CACNA1H: variants seen among roughly 807,000 people sequenced by gnomAD.
CACNA1H encodes the protein voltage-dependent T-type calcium channel subunit alpha-1H.
Under a neutral mutation model 192.5 loss-of-function variants are expected in CACNA1H, and 149 were observed. The observed-to-expected ratio is 0.77, with a 90% CI of 0.68 to 0.89. The LOEUF is 0.89. CACNA1H is among the 40% of genes least tolerant of loss of function. CACNA1H has a pLI of 0.00. For synonymous variants in CACNA1H, 2,202 were observed against 1,475.2 expected, an observed-to-expected ratio of 1.49 and a Z score of -11.29; for missense variants, 4,257 against 3,423.5, an observed-to-expected ratio of 1.24 and a Z score of -6.08.
intron 5 of CACNA1H, 107 bp downstream of exon 5, chr16:1,196,130 G>C: frequency 1.1e-6 from 1 of 886,072 alleles, no homozygotes; most frequent in South Asian, 1.4e-5. Flanking sequence ...GGAAATGAAG[G>C]TTACCAGGCA....
chr16:1,154,047 C>CGGGG lies in CACNA1H; in HGVS notation c.299+13_299+14insGGGG. On this transcript the variant is annotated intron_variant, in intron 2 of 34. Coordinates refer to ENST00000348261, the MANE Select transcript of CACNA1H (RefSeq NM_021098.3). Reference sequence around the variant, plus strand: ...GCTGGTCTGCAACCCATATCCTTCCCGGCCGGCGGGGGGCGGGGGGCGGGG... The same window carrying CGGGG: ...GCTGGTCTGCAACCCATATCCTTCCCGGGGGGCCGGCGGGGGGCGGGGGGCGGGG... 3.9e-6 allele frequency: 4 copies of CGGGG among 1,016,116 alleles called. No individual in the cohort carries two copies. The African/African-American group carries it at 8.6e-5, about 22-fold the overall frequency. The allele number at this position is 1,016,116 out of a possible 1,614,324, so 62.9% of individuals were successfully genotyped here. A position where few individuals can be genotyped will look rare whatever the true frequency, so the allele number is the denominator to read the frequency against.
rs1289812212 is a variant in CACNA1H at position 1,201,911 on chromosome 16, CAAG to C, written c.1465_1467del (p.Lys489del). ...ACGCCCGCTGGCAGAGCCGCTGGCG[CAAG>C]AAGGTGGACCCCAGTGCTGTGCAAG... On this transcript the variant is annotated inframe_deletion, in exon 9 of 35. Transcript: ENST00000348261. The C allele has an allele frequency of 6.5e-6, 10 of 1,550,208 alleles. No individual in the cohort carries two copies. In the East Asian group the frequency reaches 7.3e-5, roughly 11 times the overall value.
Position 1,200,789 on chromosome 16 carries a change from A to T in CACNA1H, c.1193A>T (p.Tyr398Phe). ...GCCCACTCATTCTACAACTTCATCTATTTCATCCTGCTCATCATCGTGAGT... is the reference window on the plus strand; with the variant it reads ...GCCCACTCATTCTACAACTTCATCTTTTTCATCCTGCTCATCATCGTGAGT... ...MDAHSFYNFIYFILLIIVGSF... is the reference protein window; with the variant it reads ...MDAHSFYNFIFFILLIIVGSF... The change falls in exon 8 of 35, where the codon TAT becomes TTT. Residue 398 changes from tyrosine (Y) to phenylalanine (F), a missense_variant. Coordinates refer to ENST00000348261, the MANE Select transcript of CACNA1H (RefSeq NM_021098.3). 1.3e-6 allele frequency: 2 copies of T among 1,552,182 alleles called. No homozygotes were observed. The highest frequency in any genetic ancestry group is 1.7e-6 in the Non-Finnish European group (2 of 1,147,632).
chr16:1,197,108 C>T (rs890651108), intron 5 of CACNA1H, among the ~76,000 whole-genome samples: 1 of 152,210 alleles, frequency 6.6e-6, no homozygotes, highest in Non-Finnish European at 1.5e-5. Context: ...GTGGGTCATC[C>T]TCGTGCCGCT....
At position 1,200,762 on chromosome 16, in the gene CACNA1H, A is replaced by G; in HGVS notation, c.1166A>G (p.Asp389Gly). 2.6e-6 allele frequency: 4 copies of G among 1,556,236 alleles called. No homozygotes were observed. Among genetic ancestry groups the G allele is most frequent in the Non-Finnish European group, 8.7e-7 (1 of 1,149,888 alleles). Residue 389 changes from aspartate (D) to glycine (G), a missense_variant, in exon 8 of 35, where the codon GAC becomes GGC. By Grantham distance (94) the Asp-to-Gly change is moderately conservative. Transcript: ENST00000348261. Reference sequence around the variant, plus strand: ...GTGGACATCATGTACTACGTCATGGACGCCCACTCATTCTACAACTTCATC... The same window carrying G: ...GTGGACATCATGTACTACGTCATGGGCGCCCACTCATTCTACAACTTCATC... ...GWVDIMYYVM[D>G]AHSFYNFIYF... is the part of the protein sequence containing the mutation.
chr16:1,189,967 C>T (rs1412074799), intron 2 of CACNA1H, among the ~76,000 whole-genome samples: 2 of 152,260 alleles, frequency 1.3e-5, no homozygotes, highest in Non-Finnish European at 2.9e-5. Flanking sequence ...ATGTGGTCCC[C>T]ACAACCTTGG....
chr16:1,179,053 C>A (rs987676382), intron 2 of CACNA1H, among the ~76,000 whole-genome samples: 1 of 152,168 alleles, frequency 6.6e-6, no homozygotes, highest in Non-Finnish European at 1.5e-5. Flanking sequence ...GAATGGGTGA[C>A]CCGTGGACAC....
chr16:1,179,721 G>A (rs1289530187), intron 2 of CACNA1H, among the ~76,000 whole-genome samples: 6 of 146,778 alleles, frequency 4.1e-5, no homozygotes, highest in South Asian at 4.3e-4. Flanking sequence ...GAGCCACCAC[G>A]CCCGGCCTCT....
rs370685481 is a variant in CACNA1H, at chr16:1,159,888, C to T, written c.299+5852C>T. ...GGGCACCCTCCCTGGCCTGGTGGAACGCTCAGGGGTGGTTCTGCATACTCC... is the reference window on the plus strand; with the variant it reads ...GGGCACCCTCCCTGGCCTGGTGGAATGCTCAGGGGTGGTTCTGCATACTCC... On this transcript the variant is annotated intron_variant, in intron 2 of 34. Coordinates refer to ENST00000348261, the MANE Select transcript of CACNA1H (RefSeq NM_021098.3). 1.7e-4 allele frequency: 26 copies of T among 152,262 alleles called. 1 individual carries two copies. The East Asian group carries it at 4.7e-3, about 27-fold the overall frequency. The allele number at this position is 152,262 out of a possible 1,614,324, so 9.4% of individuals were successfully genotyped here.
Position 1,220,433 on chromosome 16 carries a change from G to C in CACNA1H, c.6501G>C (p.Glu2167Asp). Reference sequence around the variant, plus strand: ...AGCTGGGCAGCGGGGAGCCTGGGGAGGCGAAGGCCTGGGGCCCTGAGGCCG... The same window carrying C: ...AGCTGGGCAGCGGGGAGCCTGGGGACGCGAAGGCCTGGGGCCCTGAGGCCG... ...SAELGSGEPG[E>D]AKAWGPEAEP... is the part of the protein sequence containing the mutation. The change falls in exon 35 of 35, where the codon GAG (glutamate) becomes GAC (aspartate). Residue 2167 changes from glutamate (E) to aspartate (D), a missense_variant. By Grantham distance (45) the Glu-to-Asp change is conservative. Transcript: ENST00000348261. 1.3e-6 allele frequency: 2 copies of C among 1,536,706 alleles called. No homozygotes were observed. The highest frequency in any genetic ancestry group is 8.7e-7 in the Non-Finnish European group (1 of 1,150,488).
rs368825972 is a variant in CACNA1H at position 1,210,485 on chromosome 16, G to A, written c.3961G>A (p.Gly1321Ser). The A allele has an allele frequency of 3.2e-5, 52 of 1,611,564 alleles. No homozygotes were observed. Among genetic ancestry groups the A allele is most frequent in the Non-Finnish European group, 4.1e-5 (48 of 1,179,712 alleles). Residue 1321 changes from glycine (G) to serine (S), a missense_variant, in exon 19 of 35, where the codon GGC becomes AGC. By Grantham distance (56) the Gly-to-Ser change is moderately conservative. Coordinates refer to ENST00000348261, the MANE Select transcript of CACNA1H (RefSeq NM_021098.3). ...IALERPDIDP[G>S]STERVFLSVS... ...CCTGGAGAGGCCTGACATTGATCCCGGCAGCACCGTGAGTCAGCCAACCCC... is the reference window on the plus strand; with the variant it reads ...CCTGGAGAGGCCTGACATTGATCCCAGCAGCACCGTGAGTCAGCCAACCCC...
At chr16:1,212,206 C>G in intron 25 of CACNA1H, 68 bp downstream of exon 25, 1 of 1,517,282 alleles carries the variant, frequency 6.6e-7, no homozygotes, top group Non-Finnish European at 8.8e-7. Context: ...CCCTCCAGCC[C>G]CTCCACTCCC....
chr16:1,212,310 C>A lies in CACNA1H; in HGVS notation c.4759+172C>A, dbSNP rs111255867. The stretch of plus-strand genomic sequence containing the variant: ...GGAGGGGCTGGCCCGAGAGGGCCGT[C>A]GGGGAGCCCGCCATGGCAGGAGAGG... On this transcript the variant is annotated intron_variant, in intron 25 of 34. Transcript: ENST00000348261. 0.057 allele frequency: 66,255 copies of A among 1,167,480 alleles called. 2,317 individuals carry two copies. The highest frequency in any genetic ancestry group is 0.092 in the Middle Eastern group (312 of 3,404). The allele number at this position is 1,167,480 out of a possible 1,614,324, so 72.3% of individuals were successfully genotyped here. A position where few individuals can be genotyped will look rare whatever the true frequency, so the allele number is the denominator to read the frequency against.
chr16:1,175,728 G>A (rs529327213), intron 2 of CACNA1H, among the ~76,000 whole-genome samples: 2 of 152,218 alleles, frequency 1.3e-5, no homozygotes, highest in Non-Finnish European at 2.9e-5. Flanking sequence ...GGAAGATCCT[G>A]GGAGTGGGTT....
intron 2 of CACNA1H, among the ~76,000 whole-genome samples, chr16:1,168,650 C>T (rs1211869365): frequency 1.3e-5 from 2 of 152,074 alleles, no homozygotes; most frequent in African/African-American, 2.4e-5. Flanking sequence ...GCATCGTGCT[C>T]GGCCGAGTTG....
chr16:1,185,597 AGCG>A (rs1965926451), intron 2 of CACNA1H, among the ~76,000 whole-genome samples: 8 of 35,866 alleles, frequency 2.2e-4, no homozygotes, highest in Admixed American at 6.4e-4. Flanking sequence ...GTAGACGGTC[AGCG>A]TGCGTAGGGG....
chr16:1,209,602 C>T (rs8050803), intron 17 of CACNA1H, 190 bp downstream of exon 17: 14 of 690,596 alleles, frequency 2.0e-5, no homozygotes, highest in Non-Finnish European at 3.1e-5. Flanking sequence ...ATCCCAGAGT[C>T]CCCCCTCTGC....
chr16:1,186,860 G>A (rs1305459220), intron 2 of CACNA1H, among the ~76,000 whole-genome samples: 3 of 152,194 alleles, frequency 2.0e-5, no homozygotes, highest in Non-Finnish European at 4.4e-5. Flanking sequence ...CTTCAGGGCG[G>A]TCCGTCCCAC....
At chr16:1,156,349 C>A (rs1265011964) in intron 2 of CACNA1H, among the ~76,000 whole-genome samples, 1 of 152,196 alleles carries the variant, frequency 6.6e-6, no homozygotes, top group Non-Finnish European at 1.5e-5. Context: ...GTGGGTGTGA[C>A]CACCAGCAGA....
Sources: allele counts gnomAD v4.1 joint callset (sites outside exome capture counted in the v4.1 genomes callset), GRCh38; gene constraint gnomAD v4.1.1; transcripts MANE v1.5; gene names NCBI Gene and HGNC (gene_info 2026-07-23, HGNC 2026-07-21).